Variants in INTS7 observed in about 807,000 individuals in gnomAD.
INTS7 encodes the protein chromosome 1 open reading frame 73.
Under a neutral mutation model 109.2 loss-of-function variants are expected in INTS7, and 46 were observed. That is an observed-to-expected ratio of 0.42 (90% CI 0.33 to 0.54). INTS7 has a LOEUF of 0.54. Among genes scored for constraint, INTS7 ranks in the 20% least tolerant of loss-of-function variants. The probability of loss-of-function intolerance (pLI) is 0.07; values close to 1 mark genes in which losing one functional copy is unlikely to be tolerated. For missense variants in INTS7, 929 were observed against 1,132.4 expected (o/e 0.82, Z 2.58); for synonymous variants, 412 against 402.9 (o/e 1.02, Z -0.27).
At chr1:212,015,438 A>G (rs565423443) in intron 4 of INTS7, among the ~76,000 whole-genome samples, 4 of 151,872 alleles carry the variant, frequency 2.6e-5, no homozygotes, top group East Asian at 1.9e-4. Flanking sequence ...AACATGTGCT[A>G]TGTCCACTCA....
intron 1 of INTS7, among the ~76,000 whole-genome samples, chr1:212,029,096 T>C (rs1264401815): frequency 1.3e-5 from 2 of 152,250 alleles, no homozygotes; most frequent in East Asian, 1.9e-4. Flanking sequence ...TAAATTATGG[T>C]AAACTTGGGG....
chr1:211,961,262 T>C lies in INTS7; in HGVS notation c.2183+5168A>G, dbSNP rs569576970. Among the ~76,000 whole-genome samples, 21 of 151,170 alleles carry C rather than the reference T, an allele frequency of 1.4e-4. No individual in the cohort carries two copies. In the East Asian group the frequency reaches 3.5e-3, roughly 25 times the overall value. ...CCCAGTAAGATACTTCACAAGGTCA[T>C]CCTCGAGACATATAATCATGATTCT... On this transcript the variant is annotated intron_variant, in intron 16 of 19. Transcript: ENST00000366994.
chr1:212,012,687 C>A (rs1180788170), intron 4 of INTS7, among the ~76,000 whole-genome samples: 2 of 152,192 alleles, frequency 1.3e-5, no homozygotes, highest in Non-Finnish European at 2.9e-5. Context: ...ACATAAACTG[C>A]TAATTTAGAT....
At chr1:211,944,240 G>A (rs527244384) in intron 19 of INTS7, among the ~76,000 whole-genome samples, 7 of 152,256 alleles carry the variant, frequency 4.6e-5, no homozygotes, top group South Asian at 4.2e-4. Context: ...AACTTCTGAC[G>A]TTTGAAGGGA....
intron 13 of INTS7, among the ~76,000 whole-genome samples, chr1:211,973,874 G>A (rs961092516): frequency 6.6e-6 from 1 of 152,058 alleles, no homozygotes; most frequent in Non-Finnish European, 1.5e-5. Flanking sequence ...GAATATCTGA[G>A]GCCCAATGAC....
At chr1:211,999,260 T>G (rs190528914) in intron 7 of INTS7, among the ~76,000 whole-genome samples, 2 of 152,204 alleles carry the variant, frequency 1.3e-5, no homozygotes, top group Non-Finnish European at 2.9e-5. Context: ...TGTACGCCCA[T>G]GTATCTGAAT....
chr1:211,944,894 C>A lies in INTS7; in HGVS notation c.2491G>T (p.Val831Leu). ...VQNNQQLALKVEGVVQHGSKP... is the reference protein window; with the variant it reads ...VQNNQQLALKLEGVVQHGSKP... ...GATCCGTGCTGAACCACTCCCTCTA[C>A]CTTTAGCGCCAGCTGCTGGTTATTC... Residue 831 changes from valine (V) to leucine (L), a missense_variant, in exon 19 of 20, where the codon GTA becomes TTA. Val to Leu is a conservative substitution (Grantham distance 32). Coordinates refer to ENST00000366994, the MANE Select transcript of INTS7 (RefSeq NM_015434.4). The A allele has an allele frequency of 6.2e-7, 1 of 1,614,162 alleles. No individual in the cohort carries two copies. Among genetic ancestry groups the A allele is most frequent in the East Asian group, 2.2e-5 (1 of 44,886 alleles).
intron 3 of INTS7, among the ~76,000 whole-genome samples, chr1:212,018,296 GAT>G (rs1337881753): frequency 6.6e-6 from 1 of 151,492 alleles, no homozygotes; most frequent in Non-Finnish European, 1.5e-5. Flanking sequence ...GCTTTCTAGA[GAT>G]CGCTGGCTTT....
chr1:211,958,136 A>G (rs376373449), intron 16 of INTS7, among the ~76,000 whole-genome samples: 2 of 152,018 alleles, frequency 1.3e-5, no homozygotes, highest in South Asian at 2.1e-4. Flanking sequence ...GTCTGAGTTT[A>G]TATCTGAAAT....
chr1:211,988,097 T>C, intron 7 of INTS7, 94 bp from the exon 8 acceptor site: 2 of 628,062 alleles, frequency 3.2e-6, no homozygotes, highest in Non-Finnish European at 5.3e-6. Flanking sequence ...TTTAGAAAAA[T>C]TATATATTAA....
chr1:212,002,933 G>A (rs1451538752), intron 7 of INTS7, among the ~76,000 whole-genome samples: 1 of 152,152 alleles, frequency 6.6e-6, no homozygotes, highest in African/African-American at 2.4e-5. Context: ...TATAGAAATA[G>A]AGAGTAGAGA....
At chr1:211,976,861 T>A in intron 11 of INTS7, 142 bp from the exon 12 acceptor site, 1 of 729,754 alleles carries the variant, frequency 1.4e-6, no homozygotes, top group South Asian at 1.9e-5. Flanking sequence ...TATTTAATTT[T>A]TTATTTTGAA....
chr1:211,956,593 A>G (rs1663372135), intron 16 of INTS7, among the ~76,000 whole-genome samples: 1 of 152,068 alleles, frequency 6.6e-6, no homozygotes, highest in Non-Finnish European at 1.5e-5. Context: ...CCACTATTTT[A>G]TTTCTACTAT....
At chr1:211,953,292 C>T (rs1414635567) in intron 16 of INTS7, among the ~76,000 whole-genome samples, 1 of 152,102 alleles carries the variant, frequency 6.6e-6, no homozygotes, top group East Asian at 1.9e-4. Context: ...TAAGTTTAAC[C>T]TAGATTTCTT....
In INTS7 at chr1:211,942,160, G is replaced by C; in HGVS notation, c.2602-49C>G. ...AACAACAATGGCTAACATTTCTTCA[G>C]TGCTTACTATGAGTTAGGCCCTGTT... is the stretch of plus-strand genomic sequence containing the variant. On this transcript the variant is annotated intron_variant, in intron 19 of 19. Coordinates refer to ENST00000366994, the MANE Select transcript of INTS7 (RefSeq NM_015434.4). This position sits in a 1 kb window ranked among gnomAD's most constrained non-coding sequence, Gnocchi z 4.2. 6.3e-7 allele frequency: 1 copy of C among 1,584,640 alleles called. No homozygotes were observed. The highest frequency in any genetic ancestry group is 1.2e-5 in the South Asian group (1 of 85,814).
rs568227040 is a variant in INTS7 at position 211,989,404 on chromosome 1, A to C, written c.880-1401T>G. ...GTTTTTTTTTTTATGGCAAATAAAA[A>C]ACCAAAACTGTAAAAAGTACTATGA... On this transcript the variant is annotated intron_variant, in intron 7 of 19. Coordinates refer to ENST00000366994, the MANE Select transcript of INTS7 (RefSeq NM_015434.4). Among the ~76,000 whole-genome samples the C allele has an allele frequency of 5.9e-5, 9 of 152,250 alleles. No individual in the cohort carries two copies. In the East Asian group the frequency reaches 1.7e-3, roughly 29 times the overall value.
At chr1:212,008,482 G>A (rs752375747) in intron 5 of INTS7, among the ~76,000 whole-genome samples, 4 of 151,968 alleles carry the variant, frequency 2.6e-5, no homozygotes, top group Non-Finnish European at 5.9e-5. Context: ...ATTCCCATAG[G>A]TTGGTAATAA....
chr1:212,027,309 T>C (rs1666968152), intron 1 of INTS7, among the ~76,000 whole-genome samples: 1 of 152,216 alleles, frequency 6.6e-6, no homozygotes. Context: ...GTTCCAGTTC[T>C]AGTATAAGAG....
chr1:212,004,059 A>G (rs988962714), intron 7 of INTS7, among the ~76,000 whole-genome samples: 2 of 152,246 alleles, frequency 1.3e-5, no homozygotes, highest in Non-Finnish European at 2.9e-5. Context: ...AAATAATCCA[A>G]TTAGTCCAGG....
Sources: allele counts gnomAD v4.1 joint callset (sites outside exome capture counted in the v4.1 genomes callset), GRCh38; gene constraint gnomAD v4.1.1; non-coding constraint Gnocchi (gnomAD v3.1); transcripts MANE v1.5; gene names NCBI Gene and HGNC (gene_info 2026-07-23, HGNC 2026-07-21).